AGMO: variants seen among roughly 807,000 people sequenced by gnomAD.
AGMO encodes the protein glyceryl-ether monooxygenase.
In AGMO, 75 loss-of-function variants were observed where a neutral mutation model predicts 60.2. The ratio of observed to expected loss-of-function variants is 1.25; its 90% CI spans 1.03 to 1.51. The LOEUF is 1.51. Among genes scored for constraint, AGMO ranks in the 40% most tolerant of loss-of-function variants. The probability of loss-of-function intolerance (pLI) is 0.00; values close to 1 mark genes in which losing one functional copy is unlikely to be tolerated. For missense variants in AGMO, 763 were observed against 525.5 expected (o/e 1.45, Z -4.42); for synonymous variants, 261 against 177.1 (o/e 1.47, Z -3.76).
At chr7:15,183,423 T>C in the AGMO span, among the ~76,000 whole-genome samples, 1 of 152,166 alleles carries the variant, frequency 6.6e-6, no homozygotes, top group Admixed American at 6.5e-5. Flanking sequence ...CAATTTACAA[T>C]AGACAAAATG....
intron 12 of AGMO, among the ~76,000 whole-genome samples, chr7:15,278,292 T>C (rs957739402): frequency 2.0e-5 from 3 of 152,044 alleles, no homozygotes; most frequent in South Asian, 2.1e-4. Flanking sequence ...GCTGAGGTGG[T>C]TGTGCCAGCA....
rs1022722875 is a variant in AGMO, at chr7:15,537,933, C to T, written c.409+6839G>A. On this transcript the variant is annotated intron_variant, in intron 3 of 12. Coordinates refer to ENST00000342526, the MANE Select transcript of AGMO (RefSeq NM_001004320.2). ...TTCATACATATTTTAAGTGCTTCAA[C>T]GGACAAATGTTTAACATTTGACGTG... Among the ~76,000 whole-genome samples, 6 of 151,870 alleles carry T rather than the reference C, an allele frequency of 4.0e-5. No individual in the cohort carries two copies. In the East Asian group the frequency reaches 5.8e-4, roughly 15 times the overall value.
At chr7:15,547,565 T>TGGAAAATCG (rs1471430785) in intron 2 of AGMO, among the ~76,000 whole-genome samples, 1 of 152,106 alleles carries the variant, frequency 6.6e-6, no homozygotes, top group Non-Finnish European at 1.5e-5. Flanking sequence ...CAGACGCACC[T>TGGAAAATCG]GGAAAATCGG....
chr7:15,434,316 C>T (rs1219995171), intron 3 of AGMO, among the ~76,000 whole-genome samples: 2 of 152,118 alleles, frequency 1.3e-5, no homozygotes, highest in Non-Finnish European at 2.9e-5. Context: ...TCCTATCCAA[C>T]GGTATTCATG....
chr7:15,300,628 A>T (rs1784538634), intron 12 of AGMO, among the ~76,000 whole-genome samples: 1 of 152,118 alleles, frequency 6.6e-6, no homozygotes, highest in African/African-American at 2.4e-5. Flanking sequence ...TAAATACAAC[A>T]CTCATACTAC....
chr7:15,464,408 G>C (rs1369070080), intron 3 of AGMO, among the ~76,000 whole-genome samples: 1 of 152,160 alleles, frequency 6.6e-6, no homozygotes, highest in Non-Finnish European at 1.5e-5. Context: ...TCTCCAGCAT[G>C]CTGCATGTGA....
chr7:15,382,222 T>G lies in AGMO; in HGVS notation c.1074+3224A>C, dbSNP rs1783722692. Among the ~76,000 whole-genome samples the G allele has an allele frequency of 2.0e-5, 3 of 152,326 alleles. No individual in the cohort carries two copies. The South Asian group carries it at 6.2e-4, about 32-fold the overall frequency. ...TCTCAATACATTATTCAATAATCTC[T>G]ATAACAACTTTCTGAAAATCTATTT... On this transcript the variant is annotated intron_variant, in intron 10 of 12. Coordinates refer to ENST00000342526, the MANE Select transcript of AGMO (RefSeq NM_001004320.2).
At chr7:15,150,879 A>G in the AGMO span, among the ~76,000 whole-genome samples, 3 of 152,048 alleles carry the variant, frequency 2.0e-5, no homozygotes, top group African/African-American at 4.8e-5. Flanking sequence ...TTTTGGAAAC[A>G]TGTCAGTAGT....
chr7:15,215,860 GAC>G (rs1583298252), intron 12 of AGMO, among the ~76,000 whole-genome samples: 1 of 152,144 alleles, frequency 6.6e-6, no homozygotes, highest in Admixed American at 6.6e-5. Flanking sequence ...TTTCTCTAGA[GAC>G]AGGATTTTTT....
chr7:15,384,480 T>C (rs1281965589), intron 10 of AGMO, among the ~76,000 whole-genome samples: 2 of 152,170 alleles, frequency 1.3e-5, no homozygotes, highest in Non-Finnish European at 2.9e-5. Context: ...ATTACATTTT[T>C]GTATATTTTA....
chr7:15,547,142 C>T (rs1282197577), intron 2 of AGMO, among the ~76,000 whole-genome samples: 3 of 140,392 alleles, frequency 2.1e-5, no homozygotes, highest in African/African-American at 7.4e-5. Context: ...AGAATGTATT[C>T]CAGCATTGCT....
At chr7:15,331,904 C>G (rs1431430349) in intron 12 of AGMO, among the ~76,000 whole-genome samples, 2 of 149,888 alleles carry the variant, frequency 1.3e-5, no homozygotes, top group Non-Finnish European at 3.0e-5. Flanking sequence ...CCAGCTTGGA[C>G]AACAAGAGTA....
the AGMO span, among the ~76,000 whole-genome samples, chr7:15,164,128 A>G: frequency 6.6e-6 from 1 of 152,200 alleles, no homozygotes; most frequent in East Asian, 1.9e-4. Flanking sequence ...AACAAAGTCA[A>G]CGAAAATATA....
intron 12 of AGMO, among the ~76,000 whole-genome samples, chr7:15,252,247 G>C (rs1286819939): frequency 1.3e-5 from 2 of 152,212 alleles, no homozygotes; most frequent in Admixed American, 6.5e-5. Flanking sequence ...GTTAGTAGTG[G>C]TGGTGCTTAC....
At chr7:15,483,924 A>G (rs1172634135) in intron 3 of AGMO, among the ~76,000 whole-genome samples, 1 of 152,212 alleles carries the variant, frequency 6.6e-6, no homozygotes, top group African/African-American at 2.4e-5. Flanking sequence ...CATACTTATT[A>G]AAATGCCAGT....
At chr7:15,554,772 C>A (rs1455808557) in intron 2 of AGMO, among the ~76,000 whole-genome samples, 1 of 151,878 alleles carries the variant, frequency 6.6e-6, no homozygotes, top group Non-Finnish European at 1.5e-5. Flanking sequence ...ATCAATAAAT[C>A]AGAAATAAAT....
chr7:15,380,002 A>G (rs1484820705), intron 10 of AGMO, among the ~76,000 whole-genome samples: 1 of 152,142 alleles, frequency 6.6e-6, no homozygotes, highest in East Asian at 1.9e-4. Flanking sequence ...TATTGAAGGA[A>G]ATTGCCTCAA....
chr7:15,242,305 A>G (rs1782613941), intron 12 of AGMO, among the ~76,000 whole-genome samples: 1 of 152,194 alleles, frequency 6.6e-6, no homozygotes, highest in Non-Finnish European at 1.5e-5. Flanking sequence ...AAATTTCAAG[A>G]TCATCTAGTT....
In AGMO at chr7:15,560,244, G is replaced by A; in HGVS notation, c.154C>T (p.Leu52=). The part of the protein sequence containing the change: ...KATPFFISLM[L]LELVVSWILK... ...ATCCAGCTGACAACAAGTTCAAGCAGCATCAAAGAAATGAAAAATGGAGTT... is the reference window on the plus strand; with the variant it reads ...ATCCAGCTGACAACAAGTTCAAGCAACATCAAAGAAATGAAAAATGGAGTT... Residue 52 remains leucine, a synonymous_variant, in exon 2 of 13, where the codon CTG becomes TTG. Coordinates refer to ENST00000342526, the MANE Select transcript of AGMO (RefSeq NM_001004320.2). 4 of 1,612,366 alleles carry A rather than the reference G, an allele frequency of 2.5e-6. No individual in the cohort carries two copies. Among genetic ancestry groups the A allele is most frequent in the Non-Finnish European group, 3.4e-6 (4 of 1,178,838 alleles).
Sources: gnomAD v4.1 joint callset for allele counts (sites outside exome capture counted in the v4.1 genomes callset) on GRCh38, gnomAD v4.1.1 for gene constraint, MANE v1.5 for transcripts, NCBI Gene and HGNC (gene_info 2026-07-23, HGNC 2026-07-21) for gene names.